Variants in LYST observed in about 807,000 individuals in gnomAD.
LYST encodes the protein lysosomal trafficking regulator, also known as lysosomal-trafficking regulator.
A neutral mutation model predicts 413.6 loss-of-function variants in LYST; 192 were observed. That is an observed-to-expected ratio of 0.46 (90% CI 0.41 to 0.52). The LOEUF (loss-of-function observed/expected upper bound fraction) is 0.52. Among genes scored for constraint, LYST ranks in the 20% least tolerant of loss-of-function variants. The probability of loss-of-function intolerance (pLI) is 0.00; values close to 1 mark genes in which losing one functional copy is unlikely to be tolerated. For missense variants in LYST, 3,815 were observed against 4,499.9 expected (o/e 0.85, Z 4.35); for synonymous variants, 1,525 against 1,567.3 (o/e 0.97, Z 0.64).
intron 44 of LYST, among the ~76,000 whole-genome samples, chr1:235,706,039 C>T (rs139110568): frequency 6.6e-6 from 1 of 152,078 alleles, no homozygotes; most frequent in African/African-American, 2.4e-5. Flanking sequence ...ATGATCCACA[C>T]GCCTCGGCCT....
chr1:235,669,930 C>T (rs764270411), intron 50 of LYST, among the ~76,000 whole-genome samples: 1 of 152,100 alleles, frequency 6.6e-6, no homozygotes, highest in Non-Finnish European at 1.5e-5. Flanking sequence ...GGGGATTGAC[C>T]TATGTAACAA....
intron 45 of LYST, 71 bp from the exon 46 acceptor site, chr1:235,697,343 C>T: frequency 2.6e-6 from 3 of 1,141,138 alleles, no homozygotes; most frequent in Non-Finnish European, 3.8e-6. Context: ...CTAATTTAAG[C>T]TCTAAACAAA....
intron 3 of LYST, among the ~76,000 whole-genome samples, chr1:235,825,541 AC>A (rs2102975123): frequency 6.6e-6 from 1 of 152,328 alleles, no homozygotes; most frequent in East Asian, 1.9e-4. Context: ...TCTATGAGCA[AC>A]AAACAACAGG....
At chr1:235,739,949 G>A (rs1430551601) in intron 31 of LYST, among the ~76,000 whole-genome samples, 1 of 152,164 alleles carries the variant, frequency 6.6e-6, no homozygotes, top group African/African-American at 2.4e-5. Flanking sequence ...ACGAAGTAGT[G>A]GGAAAGGGAA....
intron 1 of LYST, among the ~76,000 whole-genome samples, chr1:235,841,166 T>C (rs541247881): frequency 5.9e-5 from 9 of 152,314 alleles, no homozygotes; most frequent in African/African-American, 2.2e-4. Flanking sequence ...AATGTATACC[T>C]TCTCAACAAC....
At chr1:235,867,159 G>C (rs1004410514), upstream of LYST, among the ~76,000 whole-genome samples, 2 of 152,228 alleles carry the variant, frequency 1.3e-5, no homozygotes, top group Non-Finnish European at 2.9e-5. Context: ...TGCAGCCGGG[G>C]CCCGGTCTGG....
chr1:235,838,836 A>C (rs1272940176), intron 1 of LYST, among the ~76,000 whole-genome samples: 1 of 152,166 alleles, frequency 6.6e-6, no homozygotes, highest in Non-Finnish European at 1.5e-5. Context: ...CTGTGTGTAG[A>C]TCATTCTCCA....
In LYST at chr1:235,730,889, A is replaced by C; in HGVS notation, c.9002T>G (p.Phe3001Cys). 6.2e-7 allele frequency: 1 copy of C among 1,613,812 alleles called. No individual in the cohort carries two copies. Among genetic ancestry groups the C allele is most frequent in the Non-Finnish European group, 8.5e-7 (1 of 1,179,738 alleles). Reference protein sequence around the residue: ...YLFEDKTHSSFSSTVKDKAAS... With the variant: ...YLFEDKTHSSCSSTVKDKAAS... ...AGCTTTGTCTTTGACAGTAGAAGAGAAAGAAGAATGAGTTTTGTCTTCAAA... is the reference window on the plus strand; with the variant it reads ...AGCTTTGTCTTTGACAGTAGAAGAGCAAGAAGAATGAGTTTTGTCTTCAAA... The change falls in exon 36 of 53, where the codon TTC (phenylalanine) becomes TGC (cysteine). Residue 3001 changes from phenylalanine to cysteine, a missense_variant. This residue lies in a region of LYST where 866 missense variants were observed against 1,156.0 expected (regional missense o/e 0.75). Coordinates refer to ENST00000389793, the MANE Select transcript of LYST (RefSeq NM_000081.4).
intron 44 of LYST, among the ~76,000 whole-genome samples, chr1:235,705,875 T>C (rs1661947460): frequency 6.6e-6 from 1 of 152,140 alleles, no homozygotes; most frequent in Admixed American, 6.5e-5. Flanking sequence ...CACTGCAACC[T>C]CCACCTCCCA....
intron 31 of LYST, chr1:235,735,516 G>A: frequency 6.6e-6 from 1 of 152,218 alleles, no homozygotes; most frequent in Non-Finnish European, 1.5e-5. Context: ...GGTTTTTTAA[G>A]TGGCCCTTAC....
Position 235,810,141 on chromosome 1 carries a change from T to A in LYST, c.677A>T (p.Glu226Val). Residue 226 changes from glutamate (E) to valine (V), a missense_variant, in exon 5 of 53, where the codon GAG becomes GTG. Physicochemically the swap from Glu to Val is moderately radical, Grantham distance 121. Transcript: ENST00000389793. ...PDAMALENSR[E>V]IIPRQGSNTD... Reference sequence around the variant, plus strand: ...GTTTGACCCCTGTCTTGGAATAATCTCTCTGGAATTTTCCAAAGCCATAGC... The same window carrying A: ...GTTTGACCCCTGTCTTGGAATAATCACTCTGGAATTTTCCAAAGCCATAGC... The A allele has an allele frequency of 1.2e-6, 2 of 1,614,190 alleles. No individual in the cohort carries two copies. Among genetic ancestry groups the A allele is most frequent in the Non-Finnish European group, 1.7e-6 (2 of 1,180,012 alleles).
At chr1:235,869,685 T>G (rs925368851), upstream of LYST, among the ~76,000 whole-genome samples, 8 of 152,216 alleles carry the variant, frequency 5.3e-5, no homozygotes, top group African/African-American at 1.9e-4. Context: ...TATTTGTGAC[T>G]AAATGGATAT....
At chr1:235,868,527 T>C (rs1245235145), upstream of LYST, among the ~76,000 whole-genome samples, 1 of 152,176 alleles carries the variant, frequency 6.6e-6, no homozygotes, top group Non-Finnish European at 1.5e-5. Context: ...CCAGTTTCTG[T>C]TAACCTTGAG....
At chr1:235,868,993 C>A (rs1449695873), upstream of LYST, among the ~76,000 whole-genome samples, 1 of 152,114 alleles carries the variant, frequency 6.6e-6, no homozygotes, top group Non-Finnish European at 1.5e-5. Flanking sequence ...CCGCTCCTGG[C>A]CTCGGTTCCA....
intron 20 of LYST, among the ~76,000 whole-genome samples, chr1:235,766,882 C>T (rs901921233): frequency 6.6e-6 from 1 of 152,008 alleles, no homozygotes; most frequent in Non-Finnish European, 1.5e-5. Flanking sequence ...GGACAAAACT[C>T]GTTATACTAA....
rs146553619 is a variant in LYST, at chr1:235,816,677, C to T, written c.193-3616G>A. Among the ~76,000 whole-genome samples the T allele has an allele frequency of 6.5e-3, 988 of 152,144 alleles. 11 individuals carry two copies. Among genetic ancestry groups the T allele is most frequent in the African/African-American group, 0.023 (950 of 41,510 alleles). ...GACTTCAAACTACTCTATGAGGCTA[C>T]AGTAACTAAAGCAGCACAGTACTGG... On this transcript the variant is annotated intron_variant, in intron 3 of 52. Transcript: ENST00000389793.
chr1:235,828,103 A>G (rs1031399260), intron 3 of LYST: 3 of 907,668 alleles, frequency 3.3e-6, no homozygotes, highest in South Asian at 5.1e-5. Context: ...AATGGCTAAC[A>G]CTACAGACTA....
intron 8 of LYST, among the ~76,000 whole-genome samples, 187 bp from the exon 9 acceptor site, chr1:235,801,284 C>T (rs1293332086): frequency 1.3e-5 from 2 of 151,830 alleles, no homozygotes; most frequent in Non-Finnish European, 2.9e-5. Context: ...TAATGAGTTC[C>T]CTTAAAAGCA....
intron 1 of LYST, among the ~76,000 whole-genome samples, chr1:235,848,570 A>G (rs1372248159): frequency 2.0e-5 from 3 of 152,180 alleles, no homozygotes; most frequent in African/African-American, 4.8e-5. Flanking sequence ...AAAATACAAA[A>G]GATAAATGAA....
Sources: allele counts gnomAD v4.1 joint callset (sites outside exome capture counted in the v4.1 genomes callset), GRCh38; gene constraint gnomAD v4.1.1; regional missense constraint gnomAD v4.1.1; transcripts MANE v1.5; gene names NCBI Gene and HGNC (gene_info 2026-07-23, HGNC 2026-07-21).